The following AIFM3 variants were observed in gnomAD, a reference collection of about 807,000 sequenced individuals.
The protein encoded by AIFM3 is apoptosis-inducing factor 3.
Under a neutral mutation model 82.7 loss-of-function variants are expected in AIFM3, and 71 were observed. The observed-to-expected ratio is 0.86, with a 90% CI of 0.71 to 1.05. The LOEUF is 1.05. AIFM3 is among the 50% of genes least tolerant of loss of function. The pLI, the probability that AIFM3 is intolerant of heterozygous loss-of-function variation, is 0.00. For missense variants in AIFM3, 748 were observed against 816.7 expected (o/e 0.92, Z 1.03); for synonymous variants, 337 against 329.1 (o/e 1.02, Z -0.26).
At chr22:20,976,806 G>A (rs1476381467) in intron 12 of AIFM3, 40 bp downstream of exon 12, 7 of 1,595,208 alleles carry the variant, frequency 4.4e-6, no homozygotes, top group Middle Eastern at 1.7e-4. Flanking sequence ...GAGCCCTGGG[G>A]CCCAGCCCGG....
rs1385138318 is a variant in AIFM3 at position 20,981,279 on chromosome 22, C to T, written c.*248C>T. On this transcript the variant is annotated 3_prime_UTR_variant, in exon 21 of 21. Transcript: ENST00000440238. ...GGCAGGACAAGCCCTGCCTCTTCTC[C>T]CTCTATTGGGACTGGTCCCCTGAAG... 10 of 567,324 alleles carry T rather than the reference C, an allele frequency of 1.8e-5. No homozygotes were observed. Among genetic ancestry groups the T allele is most frequent in the Admixed American group, 3.1e-5 (1 of 32,746 alleles). 35.1% of individuals were successfully genotyped at this position (567,324 alleles called of 1,614,324 possible).
rs1434470922 is a variant in AIFM3, at chr22:20,974,155, A to G, written c.448A>G (p.Ser150Gly). The G allele has an allele frequency of 6.2e-7, 1 of 1,611,042 alleles. No individual in the cohort carries two copies. Among genetic ancestry groups the G allele is most frequent in the African/African-American group, 1.3e-5 (1 of 74,354 alleles). Residue 150 changes from serine to glycine, a missense_variant, in exon 5 of 21, where the codon AGT (serine) becomes GGT (glycine). This residue lies in a region of AIFM3 where 393 missense variants were observed against 481.1 expected (regional missense o/e 0.82). Coordinates refer to ENST00000440238, the MANE Select transcript of AIFM3 (RefSeq NM_001386814.1). Reference protein sequence around the residue: ...GDLEDFPGLDSLHKFQVKIEK... With the variant: ...GDLEDFPGLDGLHKFQVKIEK... ...CCTGGAGGACTTCCCTGGCCTGGAC[A>G]GTCTACACAAGTTCCAGGTGGGGCC...
At chr22:20,977,252 G>A (rs1360772860) in intron 14 of AIFM3, 157 bp downstream of exon 14, 3 of 1,078,812 alleles carry the variant, frequency 2.8e-6, no homozygotes, top group Non-Finnish European at 4.0e-6. Context: ...CGGAGCTGTT[G>A]GGGAAGGTAT....
In AIFM3 at chr22:20,981,267, C is replaced by T; in HGVS notation, c.*236C>T. 1.7e-6 allele frequency: 1 copy of T among 580,690 alleles called. No homozygotes were observed. Among genetic ancestry groups the T allele is most frequent in the Non-Finnish European group, 3.1e-6 (1 of 324,880 alleles). 36.0% of individuals were successfully genotyped at this position (580,690 alleles called of 1,614,324 possible). ...GCTGGCACTGGAGGCAGGACAAGCC[C>T]TGCCTCTTCTCCCTCTATTGGGACT... is the stretch of plus-strand genomic sequence containing the variant. On this transcript the variant is annotated 3_prime_UTR_variant, in exon 21 of 21. Coordinates refer to ENST00000440238, the MANE Select transcript of AIFM3 (RefSeq NM_001386814.1).
intron 9 of AIFM3, 82 bp from the exon 10 acceptor site, chr22:20,976,132 GT>G: frequency 6.8e-7 from 1 of 1,460,092 alleles, no homozygotes; most frequent in Non-Finnish European, 9.4e-7. Flanking sequence ...TGGCTGGGCT[GT>G]GGGTGTACTG....
At chr22:20,978,402 C>T (rs1257002095) in intron 16 of AIFM3, among the ~76,000 whole-genome samples, 1 of 152,110 alleles carries the variant, frequency 6.6e-6, no homozygotes, top group Non-Finnish European at 1.5e-5. Flanking sequence ...CATGCAGGTC[C>T]CCGAGGTGCC....
At position 20,979,648 on chromosome 22, in the gene AIFM3, ACGT is replaced by A; in HGVS notation, c.1600_1602del (p.Val534del). On this transcript the variant is annotated inframe_deletion, in exon 18 of 21. Transcript: ENST00000440238. ...ACAGGCTACGGAGAAGGCTTCGACG[ACGT>A]CATCATCCAGGGGGATCTGGAGGAG... 6.2e-7 allele frequency: 1 copy of A among 1,614,200 alleles called. No individual in the cohort carries two copies. The highest frequency in any genetic ancestry group is 8.5e-7 in the Non-Finnish European group (1 of 1,180,036).
chr22:20,969,112 A>G (rs977091983), intron 2 of AIFM3, among the ~76,000 whole-genome samples: 5 of 152,174 alleles, frequency 3.3e-5, no homozygotes, highest in Non-Finnish European at 7.4e-5. Context: ...AGTGGGTGGG[A>G]TGATGCCAGC....
At chr22:20,972,616 G>C (rs112268016) in intron 2 of AIFM3, among the ~76,000 whole-genome samples, 1 of 152,132 alleles carries the variant, frequency 6.6e-6, no homozygotes, top group Non-Finnish European at 1.5e-5. Flanking sequence ...TGAGATGTCA[G>C]GGACATTGTC....
At chr22:20,977,666 A>G in intron 14 of AIFM3, 34 bp from the exon 15 acceptor site, 2 of 1,613,378 alleles carry the variant, frequency 1.2e-6, no homozygotes, top group Non-Finnish European at 1.7e-6. Flanking sequence ...GAAGGCAGGG[A>G]CAGGGGAGTG....
chr22:20,974,428 G>T (rs1229566028), intron 6 of AIFM3, 97 bp from the exon 7 acceptor site: 1 of 1,557,616 alleles, frequency 6.4e-7, no homozygotes, highest in African/African-American at 1.4e-5. Flanking sequence ...GAGGGGTTGC[G>T]GTAGGGATGA....
At chr22:20,976,827 G>C in intron 12 of AIFM3, 40 bp from the exon 13 acceptor site, 1 of 1,592,874 alleles carries the variant, frequency 6.3e-7, no homozygotes. Context: ...CCCCTGGCTG[G>C]GCTCTCATCC....
At chr22:20,977,137 C>T (rs745509158) in intron 14 of AIFM3, 42 bp downstream of exon 14, 49 of 1,612,100 alleles carry the variant, frequency 3.0e-5, no homozygotes, top group Non-Finnish European at 3.7e-5. Context: ...GCAGCCCAGC[C>T]GTCTGCACAT....
intron 17 of AIFM3, 111 bp from the exon 18 acceptor site, chr22:20,979,516 T>A: frequency 1.4e-6 from 2 of 1,479,722 alleles, no homozygotes; most frequent in Non-Finnish European, 1.9e-6. Context: ...GGCTACGAAC[T>A]ACCTAAAAGG....
At position 20,969,914 on chromosome 22, in the gene AIFM3, C is replaced by A. The variant is rs189438188; in HGVS notation, c.31+1939C>A. On this transcript the variant is annotated intron_variant, in intron 2 of 20. Coordinates refer to ENST00000440238, the MANE Select transcript of AIFM3 (RefSeq NM_001386814.1). The stretch of plus-strand genomic sequence containing the variant: ...CTAGATCAAGCAGAAGACCTCTGTG[C>A]AAATCCTTCACTTTCTATCTTGCTC... Among the ~76,000 whole-genome samples the A allele has an allele frequency of 5.9e-4, 90 of 152,188 alleles. No homozygotes were observed. In the South Asian group the frequency reaches 0.013, roughly 22 times the overall value.
intron 19 of AIFM3, 138 bp downstream of exon 19, chr22:20,980,262 C>T: frequency 1.4e-6 from 1 of 724,406 alleles, no homozygotes; most frequent in Non-Finnish European, 2.3e-6. Flanking sequence ...GCTTACAGGA[C>T]TACAGGGAGG....
rs1233248669 is a variant in AIFM3 at position 20,979,389 on chromosome 22, T to TG, written c.1576+25dup. 1.1e-6 allele frequency: 1 copy of TG among 877,124 alleles called. No homozygotes were observed. The highest frequency in any genetic ancestry group is 1.4e-6 in the Non-Finnish European group (1 of 705,112). The allele number at this position is 877,124 out of a possible 1,614,324, so 54.3% of individuals were successfully genotyped here. A position where few individuals can be genotyped will look rare whatever the true frequency, so the allele number is the denominator to read the frequency against. On this transcript the variant is annotated intron_variant, in intron 17 of 20. Transcript: ENST00000440238. Reference sequence around the variant, plus strand: ...ACGCGGGTAACCCCGGGGCCTCGGATGGGGGCGGGGCCGAGGGCGTTTAGG... The same window carrying TG: ...ACGCGGGTAACCCCGGGGCCTCGGATGGGGGGCGGGGCCGAGGGCGTTTAGG...
At chr22:20,979,451 G>C in intron 17 of AIFM3, 82 bp downstream of exon 17, 3 of 1,484,104 alleles carry the variant, frequency 2.0e-6, no homozygotes, top group Non-Finnish European at 2.8e-6. Context: ...TGGGAGCCTA[G>C]GGGCAGGGCT....
At chr22:20,971,644 G>A (rs372315636) in intron 2 of AIFM3, among the ~76,000 whole-genome samples, 1 of 152,184 alleles carries the variant, frequency 6.6e-6, no homozygotes, top group African/African-American at 2.4e-5. Flanking sequence ...GAGGTGGAAG[G>A]GATGAGAGGT....
Sources: allele counts gnomAD v4.1 joint callset (sites outside exome capture counted in the v4.1 genomes callset), GRCh38; gene constraint gnomAD v4.1.1; regional missense constraint gnomAD v4.1.1; transcripts MANE v1.5; gene names NCBI Gene and HGNC (gene_info 2026-07-23, HGNC 2026-07-21).